HHLA2: variants seen among roughly 807,000 people sequenced by gnomAD.
HHLA2 encodes the protein HHLA2 member of B7 family.
In HHLA2, 48 loss-of-function variants were observed where a neutral mutation model predicts 45.9. That is an observed-to-expected ratio of 1.05 (90% CI 0.83 to 1.33). The LOEUF (loss-of-function observed/expected upper bound fraction) is 1.33. HHLA2 is among the 40% of genes most tolerant of loss of function. HHLA2 has a pLI of 0.00. For synonymous variants in HHLA2, 161 were observed against 173.9 expected (o/e 0.93, Z 0.59); for missense variants, 462 against 494.3 (o/e 0.93, Z 0.62).
At chr3:108,372,225 G>A (rs994725908) in intron 8 of HHLA2, among the ~76,000 whole-genome samples, 5 of 152,052 alleles carry the variant, frequency 3.3e-5, no homozygotes, top group East Asian at 1.9e-4. Context: ...CCTGAATGAC[G>A]ACTGGGTACA....
At chr3:108,301,919 G>A (rs1055834577) in intron 1 of HHLA2, among the ~76,000 whole-genome samples, 3 of 152,108 alleles carry the variant, frequency 2.0e-5, no homozygotes, top group Admixed American at 2.0e-4. Context: ...TATGAGCTCT[G>A]TGGTTTGTGT....
intron 8 of HHLA2, 74 bp from the exon 8 acceptor site, chr3:108,375,676 C>T: frequency 6.5e-7 from 1 of 1,547,208 alleles, no homozygotes; most frequent in Non-Finnish European, 8.8e-7. Flanking sequence ...CAGAGCCATA[C>T]CAAGGTGACC....
intron 6 of HHLA2, among the ~76,000 whole-genome samples, chr3:108,356,836 T>C (rs1003535673): frequency 2.6e-5 from 4 of 152,240 alleles, no homozygotes; most frequent in Non-Finnish European, 5.9e-5. Flanking sequence ...TGATTAATTC[T>C]ATTCTCTGTG....
In HHLA2 at chr3:108,305,352, G is replaced by C. The variant is rs545600351; in HGVS notation, c.-191-5303G>C. 2.0e-3 allele frequency among the ~76,000 whole-genome samples: 297 copies of C among 152,248 alleles called. 2 individuals carry two copies. The highest frequency in any genetic ancestry group is 1.1e-3 in the Non-Finnish European group (74 of 68,012). ...CTTCACGAGTAGTCAGAAAGACCCAGCAATTCTCTTGGTCGTAGCATTCAT... is the reference window on the plus strand; with the variant it reads ...CTTCACGAGTAGTCAGAAAGACCCACCAATTCTCTTGGTCGTAGCATTCAT... On this transcript the variant is annotated intron_variant, in intron 1 of 10. Transcript: ENST00000619531.
intron 8 of HHLA2, among the ~76,000 whole-genome samples, chr3:108,369,212 G>A (rs531619452): frequency 4.6e-5 from 7 of 152,130 alleles, no homozygotes; most frequent in East Asian, 1.9e-4. Flanking sequence ...TCTCTGGGAC[G>A]CAGCTAAAGC....
At chr3:108,331,118 A>G (rs895744594) in intron 3 of HHLA2, among the ~76,000 whole-genome samples, 4 of 152,164 alleles carry the variant, frequency 2.6e-5, no homozygotes, top group African/African-American at 7.2e-5. Flanking sequence ...TCAAGCAAAC[A>G]GTGCTCTCCA....
chr3:108,309,061 G>A (rs932655517), intron 1 of HHLA2, among the ~76,000 whole-genome samples: 13 of 152,064 alleles, frequency 8.5e-5, no homozygotes, highest in Admixed American at 1.3e-4. Flanking sequence ...TGCTTGTGGG[G>A]TATTGCTCAA....
chr3:108,336,103 T>C (rs183716173), intron 3 of HHLA2, among the ~76,000 whole-genome samples: 20 of 152,174 alleles, frequency 1.3e-4, no homozygotes, highest in Admixed American at 1.2e-3. Context: ...CCCACCCAAA[T>C]TGGCTATGAG....
intron 1 of HHLA2, among the ~76,000 whole-genome samples, chr3:108,307,113 T>C (rs1470098722): frequency 1.3e-5 from 2 of 152,098 alleles, no homozygotes; most frequent in Non-Finnish European, 2.9e-5. Flanking sequence ...TGAGCCACTG[T>C]GCCCAGCCCT....
At chr3:108,304,411 G>A (rs144774140) in intron 1 of HHLA2, among the ~76,000 whole-genome samples, 24 of 152,230 alleles carry the variant, frequency 1.6e-4, no homozygotes, top group Admixed American at 3.3e-4. Flanking sequence ...AACTTCTGGC[G>A]ACTCCTGGTG....
intron 3 of HHLA2, among the ~76,000 whole-genome samples, chr3:108,351,017 G>T (rs2081767008): frequency 6.6e-6 from 1 of 152,132 alleles, no homozygotes; most frequent in South Asian, 2.1e-4. Context: ...TTCTTTTAGA[G>T]ATTTTAAAAC....
intron 1 of HHLA2, among the ~76,000 whole-genome samples, chr3:108,309,288 T>G (rs2080979820): frequency 6.6e-6 from 1 of 152,246 alleles, no homozygotes; most frequent in African/African-American, 2.4e-5. Context: ...GTGAATGTTC[T>G]TGGTACCTTT....
chr3:108,314,500 T>C (rs974551258), intron 2 of HHLA2, among the ~76,000 whole-genome samples: 4 of 152,092 alleles, frequency 2.6e-5, no homozygotes, highest in African/African-American at 9.7e-5. Context: ...TGAGGAAGAT[T>C]GGCAGGGATG....
chr3:108,328,135 AG>A (rs2081320701), intron 2 of HHLA2: 1 of 500,850 alleles, frequency 2.0e-6, no homozygotes. Context: ...TCTGTCTCGA[AG>A]AAAAAAAAAA....
intron 8 of HHLA2, among the ~76,000 whole-genome samples, chr3:108,370,982 G>C (rs1301010921): frequency 6.6e-6 from 1 of 152,138 alleles, no homozygotes; most frequent in African/African-American, 2.4e-5. Context: ...GAGAACGCCA[G>C]AAAGATACTC....
chr3:108,368,760 T>G (rs930409707), intron 8 of HHLA2, among the ~76,000 whole-genome samples: 12 of 152,040 alleles, frequency 7.9e-5, no homozygotes, highest in African/African-American at 2.9e-4. Flanking sequence ...CAAAGAGACT[T>G]AGACTCTCAC....
At chr3:108,298,503 T>A (rs1453570529) in intron 1 of HHLA2, among the ~76,000 whole-genome samples, 2 of 152,352 alleles carry the variant, frequency 1.3e-5, no homozygotes, top group Non-Finnish European at 2.9e-5. Flanking sequence ...TGCAGGCCCC[T>A]TTTACTGCAC....
chr3:108,377,933 A>G (rs961247059), exon 11 of HHLA2: 1 of 152,238 alleles, frequency 6.6e-6, no homozygotes, highest in Non-Finnish European at 1.5e-5. Flanking sequence ...CAGATGGCCT[A>G]AAGTAACTGA....
chr3:108,349,625 T>C (rs955725178), intron 3 of HHLA2, among the ~76,000 whole-genome samples: 7 of 152,138 alleles, frequency 4.6e-5, no homozygotes, highest in African/African-American at 1.2e-4. Flanking sequence ...AAAGAGGGAA[T>C]CCTCCCTAAC....
Sources: allele counts gnomAD v4.1 joint callset (sites outside exome capture counted in the v4.1 genomes callset), GRCh38; gene constraint gnomAD v4.1.1; transcripts MANE v1.5; gene names NCBI Gene and HGNC (gene_info 2026-07-23, HGNC 2026-07-21).